KCNN2: variants seen among roughly 807,000 people sequenced by gnomAD.
KCNN2 encodes small conductance calcium-activated potassium channel protein 2.
A neutral mutation model predicts 55.5 loss-of-function variants in KCNN2; 24 were observed. The ratio of observed to expected loss-of-function variants is 0.43; its 90% CI spans 0.31 to 0.61. The LOEUF is 0.61. Among genes scored for constraint, KCNN2 ranks in the 20% least tolerant of loss-of-function variants. The pLI is 0.08. For missense variants in KCNN2, 754 were observed against 853.6 expected (o/e 0.88, Z 1.45); for synonymous variants, 431 against 336.1 (o/e 1.28, Z -3.09).
At chr5:114,433,329 T>A (rs1759869224) in intron 3 of KCNN2, among the ~76,000 whole-genome samples, 1 of 152,160 alleles carries the variant, frequency 6.6e-6, no homozygotes, top group Non-Finnish European at 1.5e-5. Context: ...TTGGAGAACC[T>A]TTGTGTGGAC....
rs73779708 is a variant in KCNN2 at position 114,144,126 on chromosome 5, A to C, written c.-270-77354A>C. ...TTTTAGCTTGCTTATGTCTAAACTTAAATTACCTTCAGTTCCTTGTCAATG... is the reference window on the plus strand; with the variant it reads ...TTTTAGCTTGCTTATGTCTAAACTTCAATTACCTTCAGTTCCTTGTCAATG... On this transcript the variant is annotated intron_variant, in intron 1 of 10. Coordinates refer to the KCNN2 transcript ENST00000512097. Among the ~76,000 whole-genome samples the C allele has an allele frequency of 4.5e-3, 692 of 152,344 alleles. 5 individuals are homozygous for C. Among genetic ancestry groups the C allele is most frequent in the African/African-American group, 0.016 (657 of 41,584 alleles).
intron 2 of KCNN2, among the ~76,000 whole-genome samples, chr5:114,224,959 A>T (rs1292156608): frequency 6.6e-6 from 1 of 152,204 alleles, no homozygotes; most frequent in Non-Finnish European, 1.5e-5. Context: ...AATTCTAGAT[A>T]GTAAAACAGT....
At chr5:114,352,147 A>C (rs1757216630) in intron 2 of KCNN2, among the ~76,000 whole-genome samples, 1 of 151,760 alleles carries the variant, frequency 6.6e-6, no homozygotes, top group Non-Finnish European at 1.5e-5. Flanking sequence ...AATCACGGTC[A>C]GTTTTTGTAT....
intron 1 of KCNN2, among the ~76,000 whole-genome samples, chr5:114,089,676 T>A (rs2112552906): frequency 6.6e-6 from 1 of 152,228 alleles, no homozygotes; most frequent in East Asian, 1.9e-4. Context: ...TGTTTTCCTT[T>A]TGTATTTCTT....
chr5:114,090,777 A>T (rs998269779), intron 1 of KCNN2, among the ~76,000 whole-genome samples: 4 of 152,090 alleles, frequency 2.6e-5, no homozygotes, highest in Non-Finnish European at 5.9e-5. Context: ...GAGACTTAGT[A>T]CTTTTCCCTA....
intron 1 of KCNN2, among the ~76,000 whole-genome samples, chr5:114,142,420 A>C (rs112536703): frequency 0.032 from 4,804 of 152,180 alleles, 230 homozygotes; most frequent in African/African-American, 0.11. Flanking sequence ...TTTGTCAGGA[A>C]GTCAAATTGT....
At chr5:114,356,392 GC>G in intron 2 of KCNN2, among the ~76,000 whole-genome samples, 1 of 152,254 alleles carries the variant, frequency 6.6e-6, no homozygotes, top group Non-Finnish European at 1.5e-5. Flanking sequence ...GTTTCTAGCT[GC>G]CAAAGGATAT....
chr5:114,466,478 T>C (rs1213644206), intron 4 of KCNN2, among the ~76,000 whole-genome samples: 1 of 150,096 alleles, frequency 6.7e-6, no homozygotes, highest in Non-Finnish European at 1.5e-5. Flanking sequence ...CCTAGAAATA[T>C]ATATATATAT....
chr5:114,421,651 C>T (rs969264696), intron 3 of KCNN2, among the ~76,000 whole-genome samples: 18 of 151,864 alleles, frequency 1.2e-4, no homozygotes, highest in Non-Finnish European at 1.9e-4. Flanking sequence ...CTCTTGTTAC[C>T]CAGGCTGGAG....
intron 2 of KCNN2, among the ~76,000 whole-genome samples, chr5:114,310,204 A>T (rs928728721): frequency 6.6e-6 from 1 of 152,092 alleles, no homozygotes; most frequent in African/African-American, 2.4e-5. Flanking sequence ...CTGTGTTTGC[A>T]TACCAACACA....
Position 114,090,178 on chromosome 5 carries a change from G to A in KCNN2, c.-271+33678G>A, listed in dbSNP as rs540379401. 4.6e-5 allele frequency among the ~76,000 whole-genome samples: 7 copies of A among 152,216 alleles called. No homozygotes were observed. In the South Asian group the frequency reaches 1.4e-3, roughly 32 times the overall value. ...TTTTTAATGACCTAAAATTTAAAAG[G>A]TGGTATTTCTTATAGTTCTGTACAA... is the stretch of plus-strand genomic sequence containing the variant. On this transcript the variant is annotated intron_variant, in intron 1 of 10. Transcript: ENST00000512097.
At position 114,362,771 on chromosome 5, in the gene KCNN2, T is replaced by C; in HGVS notation, c.632T>C (p.Ile211Thr). Residue 211 changes from isoleucine to threonine, a missense_variant, in exon 1 of 8, where the codon ATA becomes ACA. Physicochemically the swap from Ile to Thr is moderately conservative, Grantham distance 89 (BLOSUM62 -1). Around this residue, in one of 4 missense-constraint regions of KCNN2, gnomAD observed 381 missense variants for 259.1 expected, o/e 1.47. Coordinates refer to ENST00000673685, the MANE Select transcript of KCNN2 (RefSeq NM_021614.4). ...ARRESNPFTE[I>T]AMSSCRYNGG... ...CGCGAGAGCAACCCCTTCACCGAAA[T>C]AGCCATGAGCAGCTGCAGGTACAAC... 1 of 1,578,096 alleles carries C rather than the reference T, an allele frequency of 6.3e-7. No individual in the cohort carries two copies. Among genetic ancestry groups the C allele is most frequent in the Non-Finnish European group, 8.6e-7 (1 of 1,167,882 alleles).
chr5:114,455,382 C>G (rs1404659082), intron 3 of KCNN2, among the ~76,000 whole-genome samples: 1 of 152,150 alleles, frequency 6.6e-6, no homozygotes, highest in African/African-American at 2.4e-5. Flanking sequence ...TTCCATGAAT[C>G]AAGCCCATAA....
intron 1 of KCNN2, among the ~76,000 whole-genome samples, chr5:114,155,887 A>T (rs1428964437): frequency 6.6e-6 from 1 of 152,142 alleles, no homozygotes; most frequent in Non-Finnish European, 1.5e-5. Flanking sequence ...TGGCTTAATT[A>T]GATCCTGTTT....
intron 3 of KCNN2, among the ~76,000 whole-genome samples, chr5:114,414,252 A>G (rs2150076594): frequency 6.6e-6 from 1 of 152,286 alleles, no homozygotes; most frequent in Middle Eastern, 3.4e-3. Flanking sequence ...GCTTCGATGG[A>G]TCTGCCTTCT....
intron 2 of KCNN2, among the ~76,000 whole-genome samples, chr5:114,283,051 G>C (rs963454449): frequency 1.3e-5 from 2 of 152,066 alleles, no homozygotes; most frequent in Non-Finnish European, 2.9e-5. Flanking sequence ...TATTCATTCT[G>C]CAAGTGCTTT....
Position 114,333,275 on chromosome 5 carries a change from A to T in KCNN2, c.-184-27670A>T, listed in dbSNP as rs759253366. ...TGAAAATTGGACAGGCAAAAACCTTACAAGACAATAAGGTTGATGTGAACA... is the reference window on the plus strand; with the variant it reads ...TGAAAATTGGACAGGCAAAAACCTTTCAAGACAATAAGGTTGATGTGAACA... On this transcript the variant is annotated intron_variant, in intron 2 of 10. Coordinates refer to the KCNN2 transcript ENST00000512097. 1.3e-5 allele frequency among the ~76,000 whole-genome samples: 2 copies of T among 152,222 alleles called. 1 individual carries two copies. The highest frequency in any genetic ancestry group is 4.1e-4 in the South Asian group (2 of 4,830).
At chr5:114,246,031 G>T (rs1355290945) in intron 2 of KCNN2, among the ~76,000 whole-genome samples, 1 of 152,126 alleles carries the variant, frequency 6.6e-6, no homozygotes, top group Non-Finnish European at 1.5e-5. Flanking sequence ...TTTCTTGGAG[G>T]ATCAGGGTGG....
chr5:114,242,135 A>G (rs1473319351), intron 2 of KCNN2, among the ~76,000 whole-genome samples: 1 of 151,724 alleles, frequency 6.6e-6, no homozygotes, highest in Non-Finnish European at 1.5e-5. Context: ...TAAAATTTTT[A>G]TAATGGACAA....
Sources: gnomAD v4.1 joint callset for allele counts (sites outside exome capture counted in the v4.1 genomes callset) on GRCh38, gnomAD v4.1.1 for gene constraint, gnomAD v4.1.1 regional missense constraint, MANE v1.5 for transcripts, NCBI Gene and HGNC (gene_info 2026-07-23, HGNC 2026-07-21) for gene names.